Variants in NCKAP5 observed in about 807,000 individuals in gnomAD.
The protein encoded by NCKAP5 is NCK associated protein 5, also known as nck-associated protein 5.
NCKAP5 carries 92 observed loss-of-function variants against 167.0 expected under a neutral mutation model. The observed-to-expected ratio is 0.55, with a 90% CI of 0.47 to 0.66. The LOEUF is 0.66. Ranked by LOEUF, NCKAP5 falls within the 30% of genes least tolerant of loss-of-function variation. The pLI is 0.00. For synonymous variants in NCKAP5, 891 were observed against 877.4 expected, an observed-to-expected ratio of 1.02 and a Z score of -0.27; for missense variants, 2,378 against 2,315.0, an observed-to-expected ratio of 1.03 and a Z score of -0.56.
At chr2:133,268,310 T>G (rs1309296059) in intron 4 of NCKAP5, 1 of 152,192 alleles carries the variant, frequency 6.6e-6, no homozygotes, top group East Asian at 1.9e-4. Context: ...ACTAGGCAAC[T>G]ATGGACACTC....
intron 3 of NCKAP5, among the ~76,000 whole-genome samples, chr2:133,440,306 A>C (rs886457310): frequency 6.6e-6 from 1 of 152,188 alleles, no homozygotes; most frequent in African/African-American, 2.4e-5. Context: ...ATAAAAATAC[A>C]AATAGTACAT....
At position 132,673,265 on chromosome 2, in the gene NCKAP5, T is replaced by G; in HGVS notation, c.*24A>C. 4 of 1,517,684 alleles carry G rather than the reference T, an allele frequency of 2.6e-6. No homozygotes were observed. The highest frequency in any genetic ancestry group is 3.5e-6 in the Non-Finnish European group (4 of 1,134,200). The allele number at this position is 1,517,684 out of a possible 1,614,324, so 94.0% of individuals were successfully genotyped here. A position where few individuals can be genotyped will look rare whatever the true frequency, so the allele number is the denominator to read the frequency against. On this transcript the variant is annotated 3_prime_UTR_variant, in exon 20 of 20. Coordinates refer to ENST00000409261, the MANE Select transcript of NCKAP5 (RefSeq NM_207363.3). ...CTCTAGGGAAATTTTCGATAATCTA[T>G]TCTCGGGATCGTCTTTTGTTTCTTC...
intron 3 of NCKAP5, among the ~76,000 whole-genome samples, chr2:133,515,901 G>C (rs12471007): frequency 0.074 from 11,305 of 152,214 alleles, 639 homozygotes; most frequent in East Asian, 0.29. Flanking sequence ...TCATCGGTTT[G>C]ACATTTGGCA....
chr2:132,986,380 G>A (rs902404198), intron 7 of NCKAP5, among the ~76,000 whole-genome samples: 1 of 152,112 alleles, frequency 6.6e-6, no homozygotes, highest in African/African-American at 2.4e-5. Flanking sequence ...AAAATGATCT[G>A]TCAAACCTGG....
intron 6 of NCKAP5, among the ~76,000 whole-genome samples, chr2:133,108,861 G>T (rs1288105080): frequency 6.6e-6 from 1 of 152,146 alleles, no homozygotes; most frequent in Non-Finnish European, 1.5e-5. Flanking sequence ...ACAAGTGGGA[G>T]GATTTCCTTC....
intron 7 of NCKAP5, among the ~76,000 whole-genome samples, chr2:132,989,888 A>G (rs2077401167): frequency 6.6e-6 from 1 of 152,176 alleles, no homozygotes; most frequent in Non-Finnish European, 1.5e-5. Context: ...CCATAAAATG[A>G]GCCTGAAAAT....
At chr2:133,149,468 G>C (rs2083308673) in intron 5 of NCKAP5, among the ~76,000 whole-genome samples, 1 of 127,502 alleles carries the variant, frequency 7.8e-6, no homozygotes, top group Non-Finnish European at 1.6e-5. Flanking sequence ...CACACAAACA[G>C]CTCTTCTCTA....
intron 3 of NCKAP5, among the ~76,000 whole-genome samples, chr2:133,471,397 G>C (rs562135668): frequency 1.3e-5 from 2 of 152,194 alleles, no homozygotes; most frequent in South Asian, 4.1e-4. Context: ...GAGAGATCTG[G>C]AGCCCATCCT....
chr2:132,726,214 A>T (rs969308445), intron 18 of NCKAP5, among the ~76,000 whole-genome samples: 2 of 152,252 alleles, frequency 1.3e-5, no homozygotes, highest in African/African-American at 4.8e-5. Context: ...GAACAAAAGA[A>T]TAAATGTTTG....
intron 2 of NCKAP5, among the ~76,000 whole-genome samples, chr2:133,544,721 T>A (rs1333569315): frequency 1.3e-5 from 2 of 152,218 alleles, no homozygotes; most frequent in Non-Finnish European, 2.9e-5. Context: ...GATAAATAGC[T>A]AAAGGTGCCC....
chr2:133,550,397 A>C (rs1292072139), intron 2 of NCKAP5, among the ~76,000 whole-genome samples: 18 of 151,586 alleles, frequency 1.2e-4, no homozygotes, highest in African/African-American at 3.6e-4. Flanking sequence ...AGCTTATCCA[A>C]CATGATCAAG....
At chr2:132,949,541 C>T (rs1417527176) in intron 8 of NCKAP5, among the ~76,000 whole-genome samples, 1 of 152,190 alleles carries the variant, frequency 6.6e-6, no homozygotes, top group Non-Finnish European at 1.5e-5. Context: ...CTGCCCCTTC[C>T]TCTGTCTCCA....
At chr2:133,602,455 T>G in the NCKAP5 span, among the ~76,000 whole-genome samples, 1 of 152,044 alleles carries the variant, frequency 6.6e-6, no homozygotes, top group Non-Finnish European at 1.5e-5. Flanking sequence ...AAGACTAAGG[T>G]GCTGGTCCTT....
intron 4 of NCKAP5, among the ~76,000 whole-genome samples, chr2:133,223,595 G>A (rs181232782): frequency 1.3e-5 from 2 of 152,160 alleles, no homozygotes; most frequent in Admixed American, 6.5e-5. Context: ...TTTTAGAGCC[G>A]CAACTCATAT....
the NCKAP5 span, among the ~76,000 whole-genome samples, chr2:133,641,071 T>G: frequency 6.6e-6 from 1 of 152,228 alleles, no homozygotes; most frequent in African/African-American, 2.4e-5. Flanking sequence ...AATTAAACTG[T>G]AAAGTCAAAT....
the NCKAP5 span, among the ~76,000 whole-genome samples, chr2:133,633,575 G>T: frequency 6.6e-6 from 1 of 152,188 alleles, no homozygotes; most frequent in East Asian, 1.9e-4. Flanking sequence ...CAGATAGGGA[G>T]GTATGAAGGT....
At chr2:133,657,768 T>C in the NCKAP5 span, among the ~76,000 whole-genome samples, 1 of 152,042 alleles carries the variant, frequency 6.6e-6, no homozygotes, top group Non-Finnish European at 1.5e-5. Flanking sequence ...TCACGAACTG[T>C]GGGAAATGGT....
At chr2:133,111,354 CTAAT>C (rs934642117) in intron 6 of NCKAP5, among the ~76,000 whole-genome samples, 2 of 152,180 alleles carry the variant, frequency 1.3e-5, no homozygotes, top group Non-Finnish European at 2.9e-5. Flanking sequence ...AAAACCACAC[CTAAT>C]TACTATAACT....
chr2:133,127,664 T>C (rs1318977571), intron 6 of NCKAP5, among the ~76,000 whole-genome samples: 1 of 152,132 alleles, frequency 6.6e-6, no homozygotes, highest in East Asian at 1.9e-4. Flanking sequence ...TATAGAGACA[T>C]CTCAATTAGA....
Sources: allele counts gnomAD v4.1 joint callset (sites outside exome capture counted in the v4.1 genomes callset), GRCh38; gene constraint gnomAD v4.1.1; transcripts MANE v1.5; gene names NCBI Gene and HGNC (gene_info 2026-07-23, HGNC 2026-07-21).